The following LMO7 variants were observed in gnomAD, a reference collection of about 807,000 sequenced individuals.
LMO7 encodes LIM domain only protein 7.
LMO7 carries 120 observed loss-of-function variants against 206.5 expected under a neutral mutation model. That is an observed-to-expected ratio of 0.58 (90% CI 0.50 to 0.68). LMO7 has a LOEUF of 0.68. Ranked by LOEUF, LMO7 falls within the 30% of genes least tolerant of loss-of-function variation. LMO7 has a pLI of 0.00. For missense variants in LMO7, 1,959 were observed against 1,957.9 expected (o/e 1.00, Z -0.01); for synonymous variants, 706 against 681.5 (o/e 1.04, Z -0.56).
At chr13:75,668,569 C>T (rs2039274010) in intron 1 of LMO7, among the ~76,000 whole-genome samples, 1 of 152,198 alleles carries the variant, frequency 6.6e-6, no homozygotes, top group Non-Finnish European at 1.5e-5. Flanking sequence ...GCAATACAAA[C>T]TAGATGCTCA....
chr13:75,700,889 T>C (rs868552123), intron 1 of LMO7, among the ~76,000 whole-genome samples: 3 of 152,208 alleles, frequency 2.0e-5, no homozygotes, highest in Admixed American at 6.5e-5. Flanking sequence ...ATTTCTGGAC[T>C]GTGGTTGACT....
intron 4 of LMO7, 37 bp downstream of exon 4, chr13:75,761,075 A>C: frequency 2.4e-6 from 2 of 849,976 alleles, no homozygotes; most frequent in Non-Finnish European, 3.3e-6. Context: ...ATATATATAT[A>C]TTTAAACTTA....
intron 1 of LMO7, among the ~76,000 whole-genome samples, chr13:75,659,324 G>A (rs1016817372): frequency 1.3e-5 from 2 of 152,194 alleles, no homozygotes; most frequent in African/African-American, 4.8e-5. Context: ...ATCCATTAAT[G>A]TGGTGAAATA....
chr13:75,664,961 C>T (rs1288664456), intron 1 of LMO7, among the ~76,000 whole-genome samples: 1 of 152,108 alleles, frequency 6.6e-6, no homozygotes, highest in Admixed American at 6.5e-5. Flanking sequence ...TGGTATGCCT[C>T]ATTTATATAA....
intron 20 of LMO7, 196 bp from the exon 21 acceptor site, chr13:75,839,889 T>G: frequency 1.9e-6 from 1 of 517,224 alleles, no homozygotes; most frequent in Non-Finnish European, 3.4e-6. Flanking sequence ...TAACTTTGAA[T>G]TTGAAAGATG....
intron 6 of LMO7, among the ~76,000 whole-genome samples, chr13:75,797,618 T>C (rs1250525922): frequency 6.6e-6 from 1 of 152,202 alleles, no homozygotes; most frequent in East Asian, 1.9e-4. Flanking sequence ...TAGCACATTG[T>C]AAGGTTGCAA....
intron 1 of LMO7, among the ~76,000 whole-genome samples, chr13:75,645,707 A>G (rs994175434): frequency 6.6e-6 from 1 of 152,216 alleles, no homozygotes; most frequent in African/African-American, 2.4e-5. Flanking sequence ...TTGTCAGTCT[A>G]TCAAAAGCAT....
chr13:75,726,203 C>G (rs2044458384), intron 2 of LMO7, among the ~76,000 whole-genome samples: 1 of 151,932 alleles, frequency 6.6e-6, no homozygotes, highest in South Asian at 2.1e-4. Flanking sequence ...AATAGAAAAG[C>G]ATTTTTATAG....
chr13:75,827,113 G>A lies in LMO7; in HGVS notation c.2949+3240G>A, dbSNP rs926150027. ...ACTCTTCCTTGTCCCATAGTGTTACGTGTTCCTCTTTCACTGATATTCTTT... is the reference window on the plus strand; with the variant it reads ...ACTCTTCCTTGTCCCATAGTGTTACATGTTCCTCTTTCACTGATATTCTTT... On this transcript the variant is annotated intron_variant, in intron 15 of 30. Transcript: ENST00000377534. 3.9e-4 allele frequency among the ~76,000 whole-genome samples: 60 copies of A among 152,056 alleles called. 1 individual carries two copies. Among genetic ancestry groups the A allele is most frequent in the South Asian group, 2.1e-4 (1 of 4,820 alleles).
chr13:75,836,609 C>T, intron 19 of LMO7, 152 bp downstream of exon 19: 2 of 551,246 alleles, frequency 3.6e-6, no homozygotes, highest in Non-Finnish European at 6.4e-6. Context: ...CCAATTGCAG[C>T]CAGGTGGAAG....
chr13:75,642,551 C>T lies in LMO7; in HGVS notation c.69+5825C>T, dbSNP rs146993932. On this transcript the variant is annotated intron_variant, in intron 1 of 30. Coordinates refer to ENST00000377534, the MANE Select transcript of LMO7 (RefSeq NM_001306080.2). ...CTGGGCAGTTGAGGTTGTGGTGAGC[C>T]GTAACTGTGCCACTGCACTCCAGCC... Among the ~76,000 whole-genome samples the T allele has an allele frequency of 4.9e-3, 749 of 151,710 alleles. 3 individuals carry two copies. The highest frequency in any genetic ancestry group is 0.017 in the African/African-American group (721 of 41,336).
At chr13:75,773,589 C>T (rs534313667) in intron 4 of LMO7, among the ~76,000 whole-genome samples, 9 of 152,080 alleles carry the variant, frequency 5.9e-5, no homozygotes, top group African/African-American at 1.9e-4. Context: ...TGGAGTAAGA[C>T]GTGATGAGGA....
chr13:75,841,169 G>A lies in LMO7; in HGVS notation c.3643G>A (p.Ala1215Thr), dbSNP rs140649255. The part of the protein sequence containing the change: ...REEWQRAKQE[A>T]ERENSKYLDE... Reference sequence around the variant, plus strand: ...AGAGTGGCAAAGGGCCAAACAGGAGGCAGAGAGAGAGAATTCCAAGTACTT... The same window carrying A: ...AGAGTGGCAAAGGGCCAAACAGGAGACAGAGAGAGAGAATTCCAAGTACTT... The change falls in exon 23 of 31, where the codon GCA (alanine) becomes ACA (threonine). Residue 1215 changes from alanine (A) to threonine (T), a missense_variant. Ala to Thr is a moderately conservative substitution (Grantham distance 58, BLOSUM62 0). Transcript: ENST00000377534. 253 of 1,613,158 alleles carry A rather than the reference G, an allele frequency of 1.6e-4. No individual in the cohort carries two copies. The highest frequency in any genetic ancestry group is 2.0e-4 in the Non-Finnish European group (238 of 1,179,232).
At chr13:75,717,207 C>T (rs573993108) in intron 2 of LMO7, among the ~76,000 whole-genome samples, 16 of 151,770 alleles carry the variant, frequency 1.1e-4, no homozygotes, top group Non-Finnish European at 1.6e-4. Flanking sequence ...ATTAAAAATA[C>T]AAAAAATTAG....
intron 4 of LMO7, among the ~76,000 whole-genome samples, chr13:75,775,851 C>T (rs1014356583): frequency 4.6e-5 from 7 of 151,666 alleles, no homozygotes; most frequent in African/African-American, 1.4e-4. Context: ...AATGCTGACA[C>T]GATGCTGTTG....
At chr13:75,759,454 G>A (rs962598022) in intron 3 of LMO7, among the ~76,000 whole-genome samples, 1 of 152,076 alleles carries the variant, frequency 6.6e-6, no homozygotes, top group African/African-American at 2.4e-5. Flanking sequence ...GCTCCTCTTG[G>A]AATTTTGCCA....
intron 1 of LMO7, among the ~76,000 whole-genome samples, chr13:75,658,766 T>A (rs1200009976): frequency 6.6e-6 from 1 of 151,210 alleles, no homozygotes; most frequent in Non-Finnish European, 1.5e-5. Context: ...TTTTTTTGTA[T>A]TTTTAGTAGA....
intron 30 of LMO7, chr13:75,857,368 T>C (rs7329627): frequency 0.64 from 97,385 of 152,078 alleles, 31,686 homozygotes; most frequent in Non-Finnish European, 0.69. Flanking sequence ...ATCAGCAAAA[T>C]CATTTGCTTT....
rs73227964 is a variant in LMO7 at position 75,760,757 on chromosome 13, A to G, written c.211-175A>G. 7.7e-3 allele frequency: 11,882 copies of G among 1,536,904 alleles called. 54 individuals carry two copies. The highest frequency in any genetic ancestry group is 0.013 in the Middle Eastern group (79 of 5,980). On this transcript the variant is annotated intron_variant, in intron 3 of 30. Transcript: ENST00000377534. ...ACTGTGTATGCTCTGGAGGACTGAA[A>G]GGCTGTACAAGCCCTATGTATTTTT... is the stretch of plus-strand genomic sequence containing the variant.
Sources: allele counts gnomAD v4.1 joint callset (sites outside exome capture counted in the v4.1 genomes callset), GRCh38; gene constraint gnomAD v4.1.1; transcripts MANE v1.5; gene names NCBI Gene and HGNC (gene_info 2026-07-23, HGNC 2026-07-21).